Variants in TNRC6A observed in about 807,000 individuals in gnomAD.
TNRC6A encodes trinucleotide repeat containing adaptor 6A.
TNRC6A carries 44 observed loss-of-function variants against 221.2 expected under a neutral mutation model. The observed-to-expected ratio is 0.20, with a 90% CI of 0.16 to 0.26. The LOEUF is 0.26. Among genes scored for constraint, TNRC6A ranks in the 10% least tolerant of loss-of-function variants. The pLI is 1.00. For synonymous variants in TNRC6A, 847 were observed against 838.5 expected, an observed-to-expected ratio of 1.01 and a Z score of -0.18; for missense variants, 2,199 against 2,404.4, an observed-to-expected ratio of 0.91 and a Z score of 1.79.
At chr16:24,783,132 T>C (rs532928632) in intron 5 of TNRC6A, among the ~76,000 whole-genome samples, 1 of 152,182 alleles carries the variant, frequency 6.6e-6, no homozygotes, top group East Asian at 1.9e-4. Context: ...TGATGCTGTT[T>C]CTTTTCTTTT....
At chr16:24,666,869 AT>A (rs1364779277) in intron 2 of TNRC6A, among the ~76,000 whole-genome samples, 1 of 151,580 alleles carries the variant, frequency 6.6e-6, no homozygotes, top group Non-Finnish European at 1.5e-5. Flanking sequence ...TAATCCCAGC[AT>A]TTTGGGAGGC....
In TNRC6A at chr16:24,793,504, T is replaced by A; in HGVS notation, c.3207T>A (p.Thr1069=). The change falls in exon 7 of 25, where the codon ACT becomes ACA. Residue 1069 remains threonine, a synonymous_variant. Coordinates refer to ENST00000395799, the MANE Select transcript of TNRC6A (RefSeq NM_014494.4). ...GTGAGCCCTGGGGGGAGCCTTCTAC[T>A]CCAGCCACAACTGTGGATAATGGTA... ...GWGEPWGEPS[T]PATTVDNGTS... 1.3e-6 allele frequency: 2 copies of A among 1,516,668 alleles called. No homozygotes were observed. The highest frequency in any genetic ancestry group is 1.8e-6 in the Non-Finnish European group (2 of 1,128,562). The allele number at this position is 1,516,668 out of a possible 1,614,324, so 94.0% of individuals were successfully genotyped here.
At chr16:24,803,286 G>T (rs2058364226) in intron 11 of TNRC6A, among the ~76,000 whole-genome samples, 1 of 151,930 alleles carries the variant, frequency 6.6e-6, no homozygotes, top group African/African-American at 2.4e-5. Flanking sequence ...GGGTGTGGTG[G>T]TGGGTGCCTG....
At position 24,773,176 on chromosome 16, in the gene TNRC6A, G is replaced by A. The variant is rs184725925; in HGVS notation, c.164-3757G>A. Among the ~76,000 whole-genome samples, 138 of 152,144 alleles carry A rather than the reference G, an allele frequency of 9.1e-4. 1 individual carries two copies. Among genetic ancestry groups the A allele is most frequent in the Middle Eastern group, 3.4e-3 (1 of 294 alleles). On this transcript the variant is annotated intron_variant, in intron 4 of 24. Coordinates refer to ENST00000395799, the MANE Select transcript of TNRC6A (RefSeq NM_014494.4). ...GTGCGGGTGTTTTCCCCCTTCTTGA[G>A]TTGGATTATTATGTTCTTGTTGGAA...
At chr16:24,623,782 A>T in intron 1 of TNRC6A, among the ~76,000 whole-genome samples, 1 of 151,318 alleles carries the variant, frequency 6.6e-6, no homozygotes, top group Non-Finnish European at 1.5e-5. Flanking sequence ...GTGTACCTGT[A>T]GTCCCAGCTA....
intron 4 of TNRC6A, chr16:24,776,565 A>G: frequency 1.0e-6 from 1 of 985,480 alleles, no homozygotes; most frequent in Non-Finnish European, 1.2e-6. Flanking sequence ...TTCCCTTAGG[A>G]CTACTGAAAA....
chr16:24,657,661 A>T (rs557084808), intron 2 of TNRC6A, among the ~76,000 whole-genome samples: 45 of 150,714 alleles, frequency 3.0e-4, no homozygotes, highest in African/African-American at 1.1e-3. Context: ...GTGAGCTGAG[A>T]TCGTGCCACT....
chr16:24,716,402 C>T (rs1254604815), intron 2 of TNRC6A, among the ~76,000 whole-genome samples: 2 of 152,156 alleles, frequency 1.3e-5, no homozygotes, highest in Non-Finnish European at 2.9e-5. Context: ...GGTGCAGTGG[C>T]TCACGCCTGG....
chr16:24,791,382 T>A lies in TNRC6A; in HGVS notation c.2740T>A (p.Ser914Thr). 6.3e-7 allele frequency: 1 copy of A among 1,582,106 alleles called. No homozygotes were observed. The change falls in exon 6 of 25, where the codon TCT (serine) becomes ACT (threonine). Residue 914 changes from serine to threonine, a missense_variant. Around this residue, in one of 8 missense-constraint regions of TNRC6A, gnomAD observed 1,405 missense variants for 1,400.2 expected, o/e 1.00. Coordinates refer to ENST00000395799, the MANE Select transcript of TNRC6A (RefSeq NM_014494.4). ...PNNSSGWDES[S>T]KPTPSQGWGD... Reference sequence around the variant, plus strand: ...TAATTCATCAGGATGGGATGAATCTTCTAAACCTACTCCTTCCCAGGGATG... The same window carrying A: ...TAATTCATCAGGATGGGATGAATCTACTAAACCTACTCCTTCCCAGGGATG...
intron 9 of TNRC6A, among the ~76,000 whole-genome samples, chr16:24,797,242 C>T (rs953736046): frequency 6.6e-6 from 1 of 152,100 alleles, no homozygotes; most frequent in African/African-American, 2.4e-5. Flanking sequence ...TCCGTCTTTT[C>T]CTTCTGACTG....
chr16:24,644,240 C>T (rs1316960282), intron 2 of TNRC6A, among the ~76,000 whole-genome samples: 2 of 151,532 alleles, frequency 1.3e-5, no homozygotes, highest in African/African-American at 4.9e-5. Context: ...GCGCCCGCCA[C>T]CACGCCCAGC....
At chr16:24,643,455 C>A (rs908658448) in intron 2 of TNRC6A, among the ~76,000 whole-genome samples, 2 of 152,020 alleles carry the variant, frequency 1.3e-5, no homozygotes, top group Admixed American at 1.3e-4. Context: ...TATGTGGTTT[C>A]TTTCAGCTGT....
At chr16:24,813,132 C>G (rs959796558) in intron 18 of TNRC6A, among the ~76,000 whole-genome samples, 3 of 152,110 alleles carry the variant, frequency 2.0e-5, no homozygotes, top group Admixed American at 2.0e-4. Flanking sequence ...CTGCTTCGGC[C>G]TCCCAAAGTG....
chr16:24,750,836 A>G (rs766090666), intron 3 of TNRC6A, 23 bp downstream of exon 3: 1 of 1,465,138 alleles, frequency 6.8e-7, no homozygotes, highest in East Asian at 2.5e-5. Context: ...TAAACTATTT[A>G]TATTAAGCAG....
intron 2 of TNRC6A, among the ~76,000 whole-genome samples, chr16:24,658,160 G>A (rs1190756131): frequency 2.0e-5 from 3 of 152,148 alleles, no homozygotes; most frequent in Non-Finnish European, 2.9e-5. Flanking sequence ...TTTGGGGTGG[G>A]AAGCTGGTTA....
chr16:24,668,466 T>C (rs754415429), intron 2 of TNRC6A, among the ~76,000 whole-genome samples: 114 of 152,344 alleles, frequency 7.5e-4, no homozygotes, highest in Admixed American at 2.7e-3. Context: ...AAAGCCTTCA[T>C]GATCTGGGCC....
intron 1 of TNRC6A, among the ~76,000 whole-genome samples, chr16:24,636,539 TTTTTAAC>T (rs1456860658): frequency 6.6e-6 from 1 of 152,128 alleles, no homozygotes; most frequent in Non-Finnish European, 1.5e-5. Context: ...CCTGGTTTAT[TTTTTAAC>T]TTTTTTTTGA....
At chr16:24,670,197 A>G (rs1347581802) in intron 2 of TNRC6A, among the ~76,000 whole-genome samples, 1 of 151,404 alleles carries the variant, frequency 6.6e-6, no homozygotes, top group Non-Finnish European at 1.5e-5. Flanking sequence ...CAATCCACCC[A>G]CCTCGGCCTC....
intron 2 of TNRC6A, among the ~76,000 whole-genome samples, chr16:24,739,478 C>T (rs1390562539): frequency 5.1e-5 from 6 of 118,278 alleles, no homozygotes; most frequent in African/African-American, 1.3e-4. Context: ...TTTCCTTTCA[C>T]TTTTTTTTTT....
Sources: gnomAD v4.1 joint callset for allele counts (sites outside exome capture counted in the v4.1 genomes callset) on GRCh38, gnomAD v4.1.1 for gene constraint, gnomAD v4.1.1 regional missense constraint, MANE v1.5 for transcripts, NCBI Gene and HGNC (gene_info 2026-07-23, HGNC 2026-07-21) for gene names.